ARFGEF2: variants seen among roughly 807,000 people sequenced by gnomAD.
ARFGEF2 encodes ARF guanine nucleotide exchange factor 2.
ARFGEF2 carries 74 observed loss-of-function variants against 219.9 expected under a neutral mutation model. That is an observed-to-expected ratio of 0.34 (90% CI 0.28 to 0.41). ARFGEF2 has a LOEUF of 0.41. Among genes scored for constraint, ARFGEF2 ranks in the 10% least tolerant of loss-of-function variants. The probability of loss-of-function intolerance (pLI) is 1.00; values close to 1 mark genes in which losing one functional copy is unlikely to be tolerated. For synonymous variants in ARFGEF2, 733 were observed against 799.2 expected (o/e 0.92, Z 1.40); for missense variants, 1,743 against 2,218.3 (o/e 0.79, Z 4.30).
intron 26 of ARFGEF2, among the ~76,000 whole-genome samples, chr20:49,008,158 T>C (rs1227332155): frequency 1.3e-5 from 2 of 152,230 alleles, no homozygotes; most frequent in East Asian, 1.9e-4. Flanking sequence ...TAAAGCGTTA[T>C]ATGTCACAGA....
intron 38 of ARFGEF2, 76 bp downstream of exon 38, chr20:49,032,242 GT>G (rs1332771405): frequency 3.9e-6 from 4 of 1,028,674 alleles, no homozygotes; most frequent in Non-Finnish European, 6.1e-6. Flanking sequence ...AGAGTTTGCA[GT>G]AACTATTTTC....
In ARFGEF2 at chr20:48,951,439, T is replaced by G; in HGVS notation, c.393T>G (p.Thr131=). 1 of 1,614,202 alleles carries G rather than the reference T, an allele frequency of 6.2e-7. No individual in the cohort carries two copies. The highest frequency in any genetic ancestry group is 8.5e-7 in the Non-Finnish European group (1 of 1,180,030). ...TICSCFQGPQ[T]DEGVQLQIIK... is the part of the protein sequence containing the mutation. Reference sequence around the variant, plus strand: ...GCAGTTGTTTTCAGGGCCCTCAGACTGATGAAGGGGTTCAGTTACAAATAA... The same window carrying G: ...GCAGTTGTTTTCAGGGCCCTCAGACGGATGAAGGGGTTCAGTTACAAATAA... The change falls in exon 4 of 39, where the codon ACT becomes ACG. Residue 131 remains threonine, a synonymous_variant. Coordinates refer to ENST00000371917, the MANE Select transcript of ARFGEF2 (RefSeq NM_006420.3).
chr20:49,026,493 T>C (rs988092176), intron 36 of ARFGEF2, among the ~76,000 whole-genome samples: 13 of 152,124 alleles, frequency 8.5e-5, no homozygotes, highest in Non-Finnish European at 1.3e-4. Context: ...ATACATTTTT[T>C]TTCCAAGATG....
chr20:49,031,299 A>C (rs923931167), intron 37 of ARFGEF2, among the ~76,000 whole-genome samples: 1 of 126,010 alleles, frequency 7.9e-6, no homozygotes, highest in African/African-American at 3.1e-5. Flanking sequence ...GTGCAATCTC[A>C]GTTTACTGCA....
chr20:48,963,754 A>T, intron 6 of ARFGEF2, 76 bp from the exon 7 acceptor site: 2 of 1,355,058 alleles, frequency 1.5e-6, no homozygotes, highest in Non-Finnish European at 2.1e-6. Flanking sequence ...AACTCCCCAT[A>T]ATCTCCTTTT....
intron 1 of ARFGEF2, among the ~76,000 whole-genome samples, chr20:48,939,733 A>T (rs915881670): frequency 3.3e-5 from 5 of 152,214 alleles, no homozygotes; most frequent in Non-Finnish European, 5.9e-5. Context: ...GTGTAATAAG[A>T]TATACAAAGT....
At chr20:48,943,803 A>G (rs140044364) in intron 3 of ARFGEF2, among the ~76,000 whole-genome samples, 1 of 152,230 alleles carries the variant, frequency 6.6e-6, no homozygotes, top group Admixed American at 6.5e-5. Flanking sequence ...TAAAATTTAA[A>G]AATATGTTGA....
In ARFGEF2 at chr20:48,921,753, C is replaced by T. The variant is rs1281816049; in HGVS notation, c.-137C>T. On this transcript the variant is annotated 5_prime_UTR_variant, in exon 1 of 39. Transcript: ENST00000371917. The stretch of plus-strand genomic sequence containing the variant: ...GCTCCAACATGGCGGCGCCGTGGGG[C>T]CGAGGTGTCGCTTCCTGACGGGGCG... The T allele has an allele frequency of 5.4e-6, 5 of 919,362 alleles. No homozygotes were observed. Among genetic ancestry groups the T allele is most frequent in the Admixed American group, 5.1e-5 (1 of 19,674 alleles). 57.0% of individuals were successfully genotyped at this position (919,362 alleles called of 1,614,324 possible).
At chr20:48,941,272 G>A (rs1387827917) in intron 2 of ARFGEF2, 43 bp downstream of exon 2, 2 of 1,600,194 alleles carry the variant, frequency 1.2e-6, no homozygotes, top group African/African-American at 1.3e-5. Flanking sequence ...CGGCATGAAG[G>A]GAGTAGGTAG....
chr20:49,026,017 G>A (rs975491324), intron 36 of ARFGEF2, among the ~76,000 whole-genome samples: 4 of 151,314 alleles, frequency 2.6e-5, no homozygotes, highest in Non-Finnish European at 4.4e-5. Context: ...GAAAGTTGGA[G>A]AATTGAATTG....
intron 6 of ARFGEF2, among the ~76,000 whole-genome samples, chr20:48,960,368 TC>T (rs2091139572): frequency 6.6e-6 from 1 of 152,188 alleles, no homozygotes; most frequent in Non-Finnish European, 1.5e-5. Context: ...TGGAAGTTAC[TC>T]CAGTGAGTCA....
intron 6 of ARFGEF2, among the ~76,000 whole-genome samples, chr20:48,959,137 C>T (rs927790995): frequency 1.3e-5 from 2 of 152,110 alleles, no homozygotes; most frequent in African/African-American, 4.8e-5. Flanking sequence ...AGGTACTTGC[C>T]AGTCACCACT....
chr20:49,010,463 C>T (rs2123516782), intron 27 of ARFGEF2, 59 bp downstream of exon 27: 2 of 1,595,986 alleles, frequency 1.3e-6, no homozygotes, highest in East Asian at 2.2e-5. Flanking sequence ...AAGAGTGTCA[C>T]TTGCTGTCTA....
intron 33 of ARFGEF2, 83 bp from the exon 34 acceptor site, chr20:49,018,801 C>T: frequency 9.3e-7 from 1 of 1,080,990 alleles, no homozygotes; most frequent in South Asian, 1.3e-5. Flanking sequence ...CAGGCTGGAC[C>T]AGCCGTGTTA....
At chr20:48,992,052 C>CA (rs938599607) in intron 21 of ARFGEF2, among the ~76,000 whole-genome samples, 4 of 151,428 alleles carry the variant, frequency 2.6e-5, no homozygotes, top group South Asian at 4.2e-4. Context: ...GGTTTTTCAG[C>CA]AAAAAAATTG....
chr20:48,976,364 T>C lies in ARFGEF2; in HGVS notation c.1958+165T>C, dbSNP rs114145623. On this transcript the variant is annotated intron_variant, in intron 14 of 38. Transcript: ENST00000371917. ...GGCAATCAGTAAATGAGCGTATGTG[T>C]GTGTGTCTGTGCACACAGAGAGAGA... is the stretch of plus-strand genomic sequence containing the variant. Among the ~76,000 whole-genome samples the C allele has an allele frequency of 3.3e-3, 496 of 152,344 alleles. 3 individuals carry two copies. The highest frequency in any genetic ancestry group is 0.011 in the African/African-American group (463 of 41,578).
chr20:49,027,393 A>C (rs958898469), intron 36 of ARFGEF2, among the ~76,000 whole-genome samples: 3 of 152,166 alleles, frequency 2.0e-5, no homozygotes, highest in African/African-American at 7.2e-5. Context: ...CCAGCCAATA[A>C]GCAAAGTCTA....
chr20:48,973,026 G>A, intron 11 of ARFGEF2, 119 bp from the exon 12 acceptor site: 1 of 1,120,240 alleles, frequency 8.9e-7, no homozygotes, highest in Non-Finnish European at 1.3e-6. Context: ...TCCTGAGTGA[G>A]ATGTGGCCAC....
At chr20:49,001,584 A>G (rs1200543393) in intron 25 of ARFGEF2, among the ~76,000 whole-genome samples, 2 of 152,192 alleles carry the variant, frequency 1.3e-5, no homozygotes, top group Non-Finnish European at 2.9e-5. Flanking sequence ...TGCCTGGAGC[A>G]TCTGTTTTAC....
Sources: gnomAD v4.1 joint callset for allele counts (sites outside exome capture counted in the v4.1 genomes callset) on GRCh38, gnomAD v4.1.1 for gene constraint, MANE v1.5 for transcripts, NCBI Gene and HGNC (gene_info 2026-07-23, HGNC 2026-07-21) for gene names.